The following RAB28 variants were observed in gnomAD, a reference collection of about 807,000 sequenced individuals.
The protein encoded by RAB28 is RAB28, member RAS oncogene family, also known as ras-related protein Rab-28.
RAB28 carries 24 observed loss-of-function variants against 31.7 expected under a neutral mutation model. That is an observed-to-expected ratio of 0.76 (90% CI 0.55 to 1.06). The LOEUF is 1.06. Among genes scored for constraint, RAB28 ranks in the 50% least tolerant of loss-of-function variants. The pLI, the probability that RAB28 is intolerant of heterozygous loss-of-function variation, is 0.00. For missense variants in RAB28, 254 were observed against 258.5 expected (o/e 0.98, Z 0.12); for synonymous variants, 100 against 90.4 (o/e 1.11, Z -0.60).
At chr4:13,462,606 C>A (rs1715646755) in intron 3 of RAB28, among the ~76,000 whole-genome samples, 1 of 152,028 alleles carries the variant, frequency 6.6e-6, no homozygotes, top group African/African-American at 2.4e-5. Context: ...TTTATTAAAC[C>A]ATATTGGTCC....
At chr4:13,437,355 C>A (rs991955975) in intron 4 of RAB28, among the ~76,000 whole-genome samples, 1 of 151,938 alleles carries the variant, frequency 6.6e-6, no homozygotes, top group Non-Finnish European at 1.5e-5. Context: ...AAAACAAAAA[C>A]TGACAAATGG....
intron 4 of RAB28, among the ~76,000 whole-genome samples, chr4:13,451,599 T>A (rs1382373938): frequency 6.6e-6 from 1 of 151,836 alleles, no homozygotes; most frequent in Non-Finnish European, 1.5e-5. Flanking sequence ...TCCCATTTGT[T>A]TATTTTTGCT....
intron 4 of RAB28, among the ~76,000 whole-genome samples, chr4:13,442,878 C>G (rs912050214): frequency 2.0e-5 from 3 of 152,158 alleles, no homozygotes; most frequent in African/African-American, 7.2e-5. Context: ...CACAGTCACA[C>G]AGTTAGTAAC....
chr4:13,369,952 G>T, intron 6 of RAB28: 1 of 1,610,964 alleles, frequency 6.2e-7, no homozygotes, highest in Middle Eastern at 1.7e-4. Flanking sequence ...CACTATTTCT[G>T]CCCTGACAAT....
chr4:13,484,066 G>C lies in RAB28; in HGVS notation c.75+10C>G, dbSNP rs781171577. ...CAGGCCTGGGACGGCGGGCCTGCTC[G>C]AGGACTGACCTTCCCGGAGGCGCCG... is the stretch of plus-strand genomic sequence containing the variant. On this transcript the variant is annotated intron_variant, in intron 1 of 6. Transcript: ENST00000330852. 12 of 1,588,972 alleles carry C rather than the reference G, an allele frequency of 7.6e-6. No homozygotes were observed. The highest frequency in any genetic ancestry group is 4.6e-5 in the South Asian group (4 of 87,784).
intron 2 of RAB28, among the ~76,000 whole-genome samples, chr4:13,478,536 T>C (rs1183929674): frequency 2.0e-5 from 3 of 151,694 alleles, no homozygotes; most frequent in Non-Finnish European, 3.0e-5. Context: ...TCAATAATAA[T>C]TGGAATGTAT....
At chr4:13,470,354 T>A (rs1292285739) in intron 3 of RAB28, among the ~76,000 whole-genome samples, 1 of 152,044 alleles carries the variant, frequency 6.6e-6, no homozygotes, top group East Asian at 1.9e-4. Context: ...AATATCCAAC[T>A]AAAAAACTTA....
chr4:13,427,714 A>G (rs1270588381), intron 4 of RAB28, among the ~76,000 whole-genome samples: 3 of 152,178 alleles, frequency 2.0e-5, no homozygotes, highest in Non-Finnish European at 4.4e-5. Context: ...CTGCAATCAG[A>G]AAAATTCCCA....
At chr4:13,428,530 G>A (rs1206741540) in intron 4 of RAB28, among the ~76,000 whole-genome samples, 1 of 152,164 alleles carries the variant, frequency 6.6e-6, no homozygotes, top group Non-Finnish European at 1.5e-5. Flanking sequence ...CTTTTTAAAT[G>A]AAAGTTTTAA....
chr4:13,374,792 C>T (rs940574534), intron 6 of RAB28, among the ~76,000 whole-genome samples: 7 of 152,080 alleles, frequency 4.6e-5, no homozygotes, highest in Non-Finnish European at 7.4e-5. Context: ...TCCCATCCAA[C>T]GACATATAAA....
At chr4:13,408,436 A>C (rs1712228686) in intron 4 of RAB28, among the ~76,000 whole-genome samples, 3 of 152,110 alleles carry the variant, frequency 2.0e-5, no homozygotes, top group African/African-American at 7.2e-5. Context: ...GAGGATTTTC[A>C]AACTGATGGT....
chr4:13,399,864 T>C (rs554186092), intron 4 of RAB28, among the ~76,000 whole-genome samples: 15 of 152,344 alleles, frequency 9.8e-5, no homozygotes, highest in African/African-American at 3.4e-4. Flanking sequence ...TACTGTATCA[T>C]TTCATAGAAA....
At chr4:13,483,066 A>G (rs1254337898) in intron 1 of RAB28, among the ~76,000 whole-genome samples, 21 of 152,156 alleles carry the variant, frequency 1.4e-4, no homozygotes, top group Admixed American at 1.4e-3. Context: ...ATATTCCCAG[A>G]AAGTGTTGGC....
chr4:13,474,662 TAAAG>T (rs1451691563), intron 2 of RAB28, among the ~76,000 whole-genome samples: 1 of 151,456 alleles, frequency 6.6e-6, no homozygotes, highest in Non-Finnish European at 1.5e-5. Context: ...CAAAAGAAAA[TAAAG>T]TAAGCTTTAA....
At chr4:13,376,359 A>C (rs1014681205) in intron 6 of RAB28, among the ~76,000 whole-genome samples, 186 bp downstream of exon 6, 2 of 152,160 alleles carry the variant, frequency 1.3e-5, no homozygotes, top group African/African-American at 4.8e-5. Context: ...CAAGGGTATC[A>C]TAATTTGGCA....
At chr4:13,411,117 A>C (rs1712418270) in intron 4 of RAB28, among the ~76,000 whole-genome samples, 1 of 152,162 alleles carries the variant, frequency 6.6e-6, no homozygotes, top group South Asian at 2.1e-4. Flanking sequence ...ATACATAAGA[A>C]TCAAGACTAC....
intron 4 of RAB28, among the ~76,000 whole-genome samples, chr4:13,446,381 T>C (rs544437878): frequency 1.3e-5 from 2 of 152,300 alleles, no homozygotes; most frequent in East Asian, 3.9e-4. Flanking sequence ...GTGGACAGTT[T>C]TCCTGTCTCA....
intron 4 of RAB28, among the ~76,000 whole-genome samples, chr4:13,445,610 C>T (rs190771495): frequency 1.9e-4 from 29 of 152,234 alleles, no homozygotes; most frequent in Admixed American, 1.2e-3. Flanking sequence ...TCTAACAGGC[C>T]CCTCTTCTGC....
chr4:13,413,049 A>G (rs899102547), intron 4 of RAB28, among the ~76,000 whole-genome samples: 2 of 152,168 alleles, frequency 1.3e-5, no homozygotes, highest in Non-Finnish European at 2.9e-5. Flanking sequence ...AAGACAAGCA[A>G]ATATCTAATA....
Sources: allele counts gnomAD v4.1 joint callset (sites outside exome capture counted in the v4.1 genomes callset), GRCh38; gene constraint gnomAD v4.1.1; transcripts MANE v1.5; gene names NCBI Gene and HGNC (gene_info 2026-07-23, HGNC 2026-07-21).